The following CXCL13 variants were observed in gnomAD, a reference collection of about 807,000 sequenced individuals.
The protein encoded by CXCL13 is C-X-C motif chemokine ligand 13, also known as C-X-C motif chemokine 13.
CXCL13 carries 7 observed loss-of-function variants against 12.2 expected under a neutral mutation model. The observed-to-expected ratio is 0.57, with a 90% CI of 0.33 to 1.07. CXCL13 has a LOEUF of 1.07. Ranked by LOEUF, CXCL13 falls within the 50% of genes least tolerant of loss-of-function variation. The pLI is 0.04. For missense variants in CXCL13, 113 were observed against 127.4 expected (o/e 0.89, Z 0.55); for synonymous variants, 47 against 42.4 (o/e 1.11, Z -0.42).
At chr4:77,530,100 C>A (rs1183493758) in intron 1 of CXCL13, among the ~76,000 whole-genome samples, 1 of 152,134 alleles carries the variant, frequency 6.6e-6, no homozygotes, top group Non-Finnish European at 1.5e-5. Flanking sequence ...ATATGTTGAA[C>A]CAGCCTTGCA....
intron 1 of CXCL13, among the ~76,000 whole-genome samples, chr4:77,574,086 G>T (rs1217649551): frequency 2.6e-5 from 4 of 152,016 alleles, no homozygotes; most frequent in East Asian, 1.9e-4. Context: ...AGATATAAAA[G>T]GATTTTTTTA....
At chr4:77,584,342 C>T (rs1338189837) in intron 1 of CXCL13, among the ~76,000 whole-genome samples, 1 of 152,202 alleles carries the variant, frequency 6.6e-6, no homozygotes, top group East Asian at 1.9e-4. Flanking sequence ...AGTCCATCAG[C>T]ATGCCTTGTC....
intron 1 of CXCL13, among the ~76,000 whole-genome samples, chr4:77,528,690 A>T (rs540363754): frequency 6.6e-6 from 1 of 152,272 alleles, no homozygotes; most frequent in African/African-American, 2.4e-5. Context: ...CCTTTGTCAG[A>T]TGAGTAGATT....
chr4:77,531,120 TTATTATTA>T (rs1724905333), intron 1 of CXCL13, among the ~76,000 whole-genome samples: 1 of 148,358 alleles, frequency 6.7e-6, no homozygotes, highest in East Asian at 1.9e-4. Context: ...ATTATTATTA[TTATTATTA>T]TTATCATTAT....
At chr4:77,568,255 C>A (rs566253289) in intron 1 of CXCL13, among the ~76,000 whole-genome samples, 2 of 152,324 alleles carry the variant, frequency 1.3e-5, no homozygotes, top group South Asian at 2.1e-4. Context: ...TCTGTCCTTT[C>A]CTGTATTCTT....
At chr4:77,523,587 T>G (rs1010291441) in intron 1 of CXCL13, among the ~76,000 whole-genome samples, 2 of 152,224 alleles carry the variant, frequency 1.3e-5, no homozygotes, top group Non-Finnish European at 2.9e-5. Context: ...TTCTCTACAC[T>G]GTTTATTCTA....
At chr4:77,607,638 A>G (rs1163025877) in intron 1 of CXCL13, 65 bp from the exon 2 acceptor site, 1 of 1,496,712 alleles carries the variant, frequency 6.7e-7, no homozygotes, top group Non-Finnish European at 9.1e-7. Flanking sequence ...AAGATTAGTA[A>G]TTAAATTCTA....
chr4:77,562,135 C>T (rs889352761), intron 1 of CXCL13, among the ~76,000 whole-genome samples: 7 of 151,894 alleles, frequency 4.6e-5, no homozygotes, highest in East Asian at 3.9e-4. Flanking sequence ...GCAGCCCTCC[C>T]GGCACAAGCC....
intron 1 of CXCL13, among the ~76,000 whole-genome samples, chr4:77,532,728 G>C (rs1440783656): frequency 1.3e-5 from 2 of 152,042 alleles, no homozygotes; most frequent in African/African-American, 4.8e-5. Flanking sequence ...CATATTTCTT[G>C]GATGCTTTGT....
upstream of CXCL13, among the ~76,000 whole-genome samples, chr4:77,600,980 CT>C (rs1299275708): frequency 6.6e-6 from 1 of 152,108 alleles, no homozygotes; most frequent in Non-Finnish European, 1.5e-5. Flanking sequence ...CAACACACCC[CT>C]TCTGGTCAGC....
At chr4:77,516,688 T>A (rs952400103) in intron 1 of CXCL13, among the ~76,000 whole-genome samples, 1 of 152,130 alleles carries the variant, frequency 6.6e-6, no homozygotes, top group Non-Finnish European at 1.5e-5. Flanking sequence ...TCTATTTGAT[T>A]CTTCTCTCTT....
At chr4:77,584,254 G>A (rs1487165678) in intron 1 of CXCL13, among the ~76,000 whole-genome samples, 2 of 152,144 alleles carry the variant, frequency 1.3e-5, no homozygotes, top group Non-Finnish European at 2.9e-5. Flanking sequence ...TGATGAGCAC[G>A]CACCTTCCCA....
chr4:77,528,991 A>C (rs1485272975), intron 1 of CXCL13, among the ~76,000 whole-genome samples: 2 of 152,164 alleles, frequency 1.3e-5, no homozygotes, highest in Non-Finnish European at 2.9e-5. Context: ...TCAGCTTTCT[A>C]CATATGGCTA....
chr4:77,542,984 T>C (rs1305301970), intron 1 of CXCL13, among the ~76,000 whole-genome samples: 1 of 152,126 alleles, frequency 6.6e-6, no homozygotes, highest in Admixed American at 6.6e-5. Flanking sequence ...CATGGACCCA[T>C]TTGGTCTAGG....
intron 1 of CXCL13, among the ~76,000 whole-genome samples, chr4:77,555,047 C>A: frequency 6.6e-6 from 1 of 150,528 alleles, no homozygotes; most frequent in African/African-American, 2.4e-5. Context: ...AAATTGAACC[C>A]AAAGTAAGTA....
At chr4:77,569,068 C>G (rs886821478) in intron 1 of CXCL13, among the ~76,000 whole-genome samples, 3 of 152,082 alleles carry the variant, frequency 2.0e-5, no homozygotes, top group African/African-American at 2.4e-5. Context: ...GCAATTGGAG[C>G]AAATTCAAAT....
At chr4:77,535,028 G>T (rs1419568041) in intron 1 of CXCL13, among the ~76,000 whole-genome samples, 1 of 152,156 alleles carries the variant, frequency 6.6e-6, no homozygotes, top group Admixed American at 6.6e-5. Flanking sequence ...ATTACAAAAG[G>T]AGAAACACCA....
intron 1 of CXCL13, among the ~76,000 whole-genome samples, chr4:77,547,651 G>A (rs1560522290): frequency 6.6e-6 from 1 of 152,076 alleles, no homozygotes; most frequent in Non-Finnish European, 1.5e-5. Flanking sequence ...TGGGTTTCCT[G>A]AATACAGCAC....
intron 1 of CXCL13, among the ~76,000 whole-genome samples, chr4:77,574,647 T>C (rs1240488538): frequency 6.6e-6 from 1 of 151,946 alleles, no homozygotes; most frequent in African/African-American, 2.4e-5. Context: ...GATGGGCTGA[T>C]TATAGAATGA....
Sources: allele counts gnomAD v4.1 joint callset (sites outside exome capture counted in the v4.1 genomes callset), GRCh38; gene constraint gnomAD v4.1.1; transcripts MANE v1.5; gene names NCBI Gene and HGNC (gene_info 2026-07-23, HGNC 2026-07-21).